INPP5B: variants seen among roughly 807,000 people sequenced by gnomAD.
INPP5B encodes the protein inositol polyphosphate-5-phosphatase B.
In INPP5B, 90 loss-of-function variants were observed where a neutral mutation model predicts 118.5. That is an observed-to-expected ratio of 0.76 (90% CI 0.64 to 0.90). INPP5B has a LOEUF of 0.90. Ranked by LOEUF, INPP5B falls within the 40% of genes least tolerant of loss-of-function variation. The probability of loss-of-function intolerance (pLI) is 0.00; values close to 1 mark genes in which losing one functional copy is unlikely to be tolerated. For synonymous variants in INPP5B, 385 were observed against 418.9 expected (o/e 0.92, Z 0.99); for missense variants, 984 against 1,125.6 (o/e 0.87, Z 1.80).
chr1:37,933,532 A>G (rs1645571183), intron 6 of INPP5B, among the ~76,000 whole-genome samples: 1 of 152,012 alleles, frequency 6.6e-6, no homozygotes, highest in South Asian at 2.1e-4. Flanking sequence ...TGGGTGAAAG[A>G]GTGAGACTCT....
chr1:37,897,012 C>A (rs1302074148), intron 7 of INPP5B, among the ~76,000 whole-genome samples: 1 of 139,986 alleles, frequency 7.1e-6, no homozygotes, highest in Non-Finnish European at 1.6e-5. Flanking sequence ...CGGCCAGCCG[C>A]CCCGTCCGGG....
intron 10 of INPP5B, among the ~76,000 whole-genome samples, 161 bp from the exon 11 acceptor site, chr1:37,887,626 A>G (rs575620609): frequency 1.3e-5 from 2 of 152,308 alleles, no homozygotes; most frequent in Middle Eastern, 6.8e-3. Context: ...AATGCCAAGG[A>G]ACTTTGCAGG....
chr1:37,911,458 C>T (rs1644696161), intron 7 of INPP5B, among the ~76,000 whole-genome samples: 1 of 152,126 alleles, frequency 6.6e-6, no homozygotes, highest in African/African-American at 2.4e-5. Context: ...TGTTCCTCAC[C>T]CTGATAACAC....
At chr1:37,871,170 A>G (rs1642401106) in intron 19 of INPP5B, among the ~76,000 whole-genome samples, 1 of 145,422 alleles carries the variant, frequency 6.9e-6, no homozygotes, top group Non-Finnish European at 1.5e-5. Flanking sequence ...AAAAAAAAAA[A>G]AAAAAGGCCG....
At chr1:37,913,040 G>A (rs1362134215) in intron 7 of INPP5B, among the ~76,000 whole-genome samples, 7 of 151,638 alleles carry the variant, frequency 4.6e-5, no homozygotes, top group South Asian at 2.1e-4. Flanking sequence ...GGCAGATCAC[G>A]AGGTCAGGAG....
rs750936745 is a variant in INPP5B at position 37,943,827 on chromosome 1, C to T, written c.219G>A (p.Val73=). Residue 73 remains valine (V), a synonymous_variant, in exon 4 of 24, where the codon GTG becomes GTA. Coordinates refer to ENST00000373024, the MANE Select transcript of INPP5B (RefSeq NM_005540.3). ...TGDDVSLDQI[V]PVSRDFTLEE... ...CCAGCGTAAAATCCCGCGAGACTGG[C>T]ACTATCTGGTCCAGAGAGACATCGT... 6.2e-6 allele frequency: 10 copies of T among 1,614,024 alleles called. No individual in the cohort carries two copies. In the African/African-American group the frequency reaches 1.2e-4, roughly 19 times the overall value.
At chr1:37,888,605 C>T (rs1385317676) in intron 9 of INPP5B, among the ~76,000 whole-genome samples, 2 of 152,104 alleles carry the variant, frequency 1.3e-5, no homozygotes, top group African/African-American at 2.4e-5. Context: ...ACAGCCATTA[C>T]CCAGGCATTA....
intron 6 of INPP5B, 127 bp from the exon 7 acceptor site, chr1:37,932,180 G>A: frequency 1.1e-6 from 1 of 903,814 alleles, no homozygotes; most frequent in Non-Finnish European, 1.6e-6. Flanking sequence ...GCGCACTGAG[G>A]TTCAAATGCA....
chr1:37,919,297 C>G (rs1010606411), intron 7 of INPP5B, among the ~76,000 whole-genome samples: 23 of 152,016 alleles, frequency 1.5e-4, no homozygotes, highest in Admixed American at 6.6e-4. Flanking sequence ...AGGAGGTGTC[C>G]CCTCCTATCT....
At chr1:37,943,430 A>ACAAT (rs1646007069) in intron 5 of INPP5B, among the ~76,000 whole-genome samples, 3 of 151,998 alleles carry the variant, frequency 2.0e-5, no homozygotes, top group Non-Finnish European at 4.4e-5. Context: ...CTCCGGGGTG[A>ACAAT]GAATGTGTGT....
chr1:37,890,977 A>T (rs1235715925), intron 8 of INPP5B, among the ~76,000 whole-genome samples: 1 of 152,226 alleles, frequency 6.6e-6, no homozygotes, highest in Non-Finnish European at 1.5e-5. Context: ...CTGTAATCCC[A>T]GCACTTTGGG....
At position 37,931,582 on chromosome 1, in the gene INPP5B, G is replaced by A. The variant is rs1444291593; in HGVS notation, c.532+331C>T. 3.3e-6 allele frequency: 5 copies of A among 1,538,266 alleles called. No individual in the cohort carries two copies. The South Asian group carries it at 6.0e-5, about 18-fold the overall frequency. On this transcript the variant is annotated intron_variant, in intron 7 of 23. Coordinates refer to ENST00000373024, the MANE Select transcript of INPP5B (RefSeq NM_005540.3). ...TTGGTCTTCGCCCCGAGCGTCCACT[G>A]GCCAAACCGCCGACCCTGCCCACCC... is the stretch of plus-strand genomic sequence containing the variant.
chr1:37,896,391 G>C (rs535464022), intron 7 of INPP5B, among the ~76,000 whole-genome samples: 53 of 142,032 alleles, frequency 3.7e-4, no homozygotes, highest in Non-Finnish European at 7.4e-4. Context: ...GAGCGTCTCC[G>C]CCCGGCAGCC....
intron 22 of INPP5B, among the ~76,000 whole-genome samples, chr1:37,865,271 C>T (rs1328115379): frequency 6.6e-6 from 1 of 151,998 alleles, no homozygotes; most frequent in African/African-American, 2.4e-5. Context: ...TCTGCCAAGG[C>T]CTGTTGTATG....
At chr1:37,896,492 G>A (rs1228329996) in intron 7 of INPP5B, among the ~76,000 whole-genome samples, 25 of 144,772 alleles carry the variant, frequency 1.7e-4, no homozygotes, top group African/African-American at 4.9e-4. Flanking sequence ...CCCCCCGCCC[G>A]GCCAGCCGCC....
Position 37,864,292 on chromosome 1 carries a change from A to G in INPP5B, c.2626+20T>C. The G allele has an allele frequency of 7.3e-7, 1 of 1,373,032 alleles. No homozygotes were observed. The highest frequency in any genetic ancestry group is 1.0e-6 in the Non-Finnish European group (1 of 965,528). The allele number at this position is 1,373,032 out of a possible 1,614,324, so 85.1% of individuals were successfully genotyped here. ...CTCTCAGTTTGCAGAAATGCTTTCC[A>G]TAGACATTTGGCTGCTTACCTAGAA... On this transcript the variant is annotated intron_variant, in intron 23 of 23. Transcript: ENST00000373024.
At chr1:37,946,359 C>T (rs755090171) in intron 1 of INPP5B, 25 bp from the exon 2 acceptor site, 30 of 1,569,756 alleles carry the variant, frequency 1.9e-5, no homozygotes, top group African/African-American at 4.0e-5. Flanking sequence ...ATAGGAGCCC[C>T]GCTTTGGTCA....
intron 19 of INPP5B, among the ~76,000 whole-genome samples, chr1:37,870,358 G>C (rs569020393): frequency 6.6e-6 from 1 of 152,140 alleles, no homozygotes; most frequent in Non-Finnish European, 1.5e-5. Flanking sequence ...CATTTATCCT[G>C]CCTTGGCCTC....
chr1:37,866,043 T>C (rs557162214), intron 21 of INPP5B, 155 bp from the exon 22 acceptor site: 3 of 815,284 alleles, frequency 3.7e-6, no homozygotes, highest in East Asian at 2.5e-4. Flanking sequence ...CCACACTGTT[T>C]GTCAGGTGAG....
Sources: gnomAD v4.1 joint callset for allele counts (sites outside exome capture counted in the v4.1 genomes callset) on GRCh38, gnomAD v4.1.1 for gene constraint, MANE v1.5 for transcripts, NCBI Gene and HGNC (gene_info 2026-07-23, HGNC 2026-07-21) for gene names.